The following NLGN4X variants were observed in gnomAD, a reference collection of about 807,000 sequenced individuals.
NLGN4X encodes the protein neuroligin-4, X-linked.
A neutral mutation model predicts 40.3 loss-of-function variants in NLGN4X; 3 were observed. The observed-to-expected ratio is 0.07, with a 90% CI of 0.03 to 0.19. NLGN4X has a LOEUF of 0.19. Among genes scored for constraint, NLGN4X ranks in the 10% least tolerant of loss-of-function variants. NLGN4X has a pLI of 1.00. For missense variants in NLGN4X, 382 were observed against 708.3 expected, an observed-to-expected ratio of 0.54 and a Z score of 5.23; for synonymous variants, 270 against 306.8, an observed-to-expected ratio of 0.88 and a Z score of 1.25.
chrX:5,932,070 G>A (rs1208915634), intron 3 of NLGN4X, among the ~76,000 whole-genome samples: 1 of 111,315 alleles, frequency 9.0e-6, no homozygotes, highest in Non-Finnish European at 1.9e-5. Context: ...GCTGCGTTGA[G>A]GAGCTGGTTA....
chrX:6,077,945 C>A (rs1201112117), intron 2 of NLGN4X, among the ~76,000 whole-genome samples: 1 of 111,841 alleles, frequency 8.9e-6, no homozygotes, highest in African/African-American at 3.3e-5. Flanking sequence ...CCCCTTCTAA[C>A]CTCACCATTC....
At position 6,128,800 on chromosome X, in the gene NLGN4X, G is replaced by A. The variant is rs189954140; in HGVS notation, c.472+22195C>T. 3.0e-3 allele frequency among the ~76,000 whole-genome samples: 341 copies of A among 112,080 alleles called. 2 individuals are homozygous for A. Among genetic ancestry groups the A allele is most frequent in the African/African-American group, 0.01 (313 of 30,899 alleles). Reference sequence around the variant, plus strand: ...TCCCATGTAGCAAACCTGCAAATCCGTGTCTAAAATGAAAGTTGAATATTT... The same window carrying A: ...TCCCATGTAGCAAACCTGCAAATCCATGTCTAAAATGAAAGTTGAATATTT... On this transcript the variant is annotated intron_variant, in intron 2 of 5. Coordinates refer to ENST00000381095, the MANE Select transcript of NLGN4X (RefSeq NM_181332.3).
rs7888383 is a variant in NLGN4X at position 5,902,948 on chromosome X, G to A, written c.1601+129C>T. 97,470 of 721,766 alleles carry A rather than the reference G, an allele frequency of 0.14. 6,241 individuals carry two copies. The highest frequency in any genetic ancestry group is 0.4 in the African/African-American group (18,825 of 47,237). The allele number at this position is 721,766 out of a possible 1,213,427, so 59.5% of individuals were successfully genotyped here. On this transcript the variant is annotated intron_variant, in intron 5 of 5. Transcript: ENST00000381095. ...TGTGTAAGCGTGTGTCTGTGTGTATGTGTGTGCATGCATGTGTATGTGTGT... is the reference window on the plus strand; with the variant it reads ...TGTGTAAGCGTGTGTCTGTGTGTATATGTGTGCATGCATGTGTATGTGTGT...
chrX:5,916,718 G>T (rs2032811214), intron 3 of NLGN4X, among the ~76,000 whole-genome samples: 1 of 111,770 alleles, frequency 8.9e-6, no homozygotes, highest in Non-Finnish European at 1.9e-5. Flanking sequence ...CCAAAGTCCT[G>T]GGATTAAGGC....
intron 1 of NLGN4X, among the ~76,000 whole-genome samples, chrX:6,171,425 G>A (rs2040604283): frequency 8.9e-6 from 1 of 112,110 alleles, no homozygotes; most frequent in African/African-American, 3.2e-5. Flanking sequence ...CCTGCTCTGG[G>A]CATTAATCTG....
At chrX:6,015,679 G>A (rs1041505898) in intron 3 of NLGN4X, among the ~76,000 whole-genome samples, 9 of 111,462 alleles carry the variant, frequency 8.1e-5, no homozygotes, top group East Asian at 2.8e-4. Flanking sequence ...TGATTGAAAC[G>A]AACCCTTCTT....
chrX:6,133,139 A>G (rs192098422), intron 2 of NLGN4X, among the ~76,000 whole-genome samples: 1 of 99,883 alleles, frequency 1.0e-5, no homozygotes, highest in African/African-American at 3.5e-5. Context: ...CACCATCGTC[A>G]TCACGATAAC....
At chrX:6,223,486 T>C (rs935037221) in intron 1 of NLGN4X, among the ~76,000 whole-genome samples, 1 of 112,579 alleles carries the variant, frequency 8.9e-6, no homozygotes, top group Admixed American at 9.4e-5. Flanking sequence ...AGCCTATAAA[T>C]GGCACAATGA....
At chrX:5,945,139 G>C (rs2034080227) in intron 3 of NLGN4X, among the ~76,000 whole-genome samples, 2 of 111,755 alleles carry the variant, frequency 1.8e-5, no homozygotes, top group Non-Finnish European at 3.8e-5. Context: ...ATATGCAAGA[G>C]TCACAATAAG....
In NLGN4X at chrX:6,080,038, C is replaced by A. The variant is rs190742695; in HGVS notation, c.473-50606G>T. Among the ~76,000 whole-genome samples the A allele has an allele frequency of 3.4e-4, 37 of 109,961 alleles. No homozygotes were observed. The Admixed American group carries it at 3.6e-3, about 11-fold the overall frequency. On this transcript the variant is annotated intron_variant, in intron 2 of 5. Coordinates refer to ENST00000381095, the MANE Select transcript of NLGN4X (RefSeq NM_181332.3). The stretch of plus-strand genomic sequence containing the variant: ...GGTGAAGACATAAAGCAGCTATATT[C>A]CCTCTCTTTGGAGAGCTTACAACTT...
chrX:5,913,285 C>T (rs926263543), intron 3 of NLGN4X, among the ~76,000 whole-genome samples: 28 of 111,229 alleles, frequency 2.5e-4, no homozygotes, highest in African/African-American at 9.2e-4. Context: ...GTTTTGCCTC[C>T]TGATTGTAGA....
At chrX:6,194,302 G>C (rs941037161) in intron 1 of NLGN4X, among the ~76,000 whole-genome samples, 1 of 112,286 alleles carries the variant, frequency 8.9e-6, no homozygotes, top group Non-Finnish European at 1.9e-5. Context: ...CATTGGATCA[G>C]TTATCATCTC....
chrX:6,149,425 T>C (rs867686586), intron 2 of NLGN4X, among the ~76,000 whole-genome samples: 1 of 112,108 alleles, frequency 8.9e-6, no homozygotes, highest in Non-Finnish European at 1.9e-5. Context: ...ATTTTTGTCT[T>C]CCTTTCTTTT....
intron 2 of NLGN4X, among the ~76,000 whole-genome samples, chrX:6,136,693 A>G (rs1372649574): frequency 2.7e-5 from 3 of 112,494 alleles, no homozygotes; most frequent in Non-Finnish European, 5.6e-5. Context: ...GTGTTCCATT[A>G]TCTCTACCAT....
chrX:6,064,816 T>C (rs980797398), intron 2 of NLGN4X, among the ~76,000 whole-genome samples: 2 of 111,610 alleles, frequency 1.8e-5, no homozygotes, highest in African/African-American at 6.5e-5. Context: ...TGCACCTGCA[T>C]GTTCAGCACA....
chrX:6,045,726 T>G (rs1258313013), intron 2 of NLGN4X, among the ~76,000 whole-genome samples: 1 of 112,046 alleles, frequency 8.9e-6, no homozygotes, highest in Non-Finnish European at 1.9e-5. Context: ...AGGAAATCCT[T>G]TTTAATCTTA....
chrX:5,997,200 T>C (rs1255610335), intron 3 of NLGN4X, among the ~76,000 whole-genome samples: 1 of 107,206 alleles, frequency 9.3e-6, no homozygotes, highest in Non-Finnish European at 1.9e-5. Flanking sequence ...GTAATACAAA[T>C]ATGTATATAT....
intron 3 of NLGN4X, among the ~76,000 whole-genome samples, chrX:5,925,871 TAC>T (rs55964494): frequency 0.031 from 1,014 of 32,291 alleles, 50 homozygotes; most frequent in Non-Finnish European, 0.036. Flanking sequence ...TATATATATA[TAC>T]ATACACACAT....
At chrX:6,087,586 T>C (rs1012903800) in intron 2 of NLGN4X, among the ~76,000 whole-genome samples, 3 of 111,908 alleles carry the variant, frequency 2.7e-5, no homozygotes, top group Non-Finnish European at 3.8e-5. Context: ...TTTGTGTATA[T>C]ATCTGTAAGA....
Sources: gnomAD v4.1 joint callset for allele counts (sites outside exome capture counted in the v4.1 genomes callset) on GRCh38, gnomAD v4.1.1 for gene constraint, MANE v1.5 for transcripts, NCBI Gene and HGNC (gene_info 2026-07-23, HGNC 2026-07-21) for gene names.